BLVRA: variants seen among roughly 807,000 people sequenced by gnomAD.
BLVRA encodes the protein biliverdin reductase A.
A neutral mutation model predicts 32.8 loss-of-function variants in BLVRA; 22 were observed. The observed-to-expected ratio is 0.67, with a 90% CI of 0.48 to 0.96. The LOEUF is 0.96. Ranked by LOEUF, BLVRA falls within the 40% of genes least tolerant of loss-of-function variation. BLVRA has a pLI of 0.00. For synonymous variants in BLVRA, 119 were observed against 141.3 expected (o/e 0.84, Z 1.12); for missense variants, 323 against 358.1 (o/e 0.90, Z 0.79).
At chr7:43,768,344 C>T (rs2095750501) in intron 1 of BLVRA, among the ~76,000 whole-genome samples, 1 of 152,132 alleles carries the variant, frequency 6.6e-6, no homozygotes, top group Non-Finnish European at 1.5e-5. Flanking sequence ...ACCAGGTCTC[C>T]TGTTTATCCT....
At position 43,801,465 on chromosome 7, in the gene BLVRA, G is replaced by C. The variant is rs2095798633; in HGVS notation, c.460+893G>C. Among the ~76,000 whole-genome samples the C allele has an allele frequency of 4.6e-5, 7 of 152,180 alleles. 1 individual carries two copies. In the South Asian group the frequency reaches 1.4e-3, roughly 32 times the overall value. On this transcript the variant is annotated intron_variant, in intron 6 of 7. Coordinates refer to ENST00000265523, the MANE Select transcript of BLVRA (RefSeq NM_000712.4). The stretch of plus-strand genomic sequence containing the variant: ...GTTGGGCACCTGGGCCACCATTCCT[G>C]AGGGCTTTCATTACAGAAAGGAGAC...
At chr7:43,758,325 G>A (rs1205751005), upstream of BLVRA, among the ~76,000 whole-genome samples, 1 of 152,052 alleles carries the variant, frequency 6.6e-6, no homozygotes, top group African/African-American at 2.4e-5. Flanking sequence ...GACACCCCCC[G>A]GGCCTGCCCC....
At chr7:43,776,448 A>G (rs1028589185) in intron 2 of BLVRA, among the ~76,000 whole-genome samples, 2 of 152,126 alleles carry the variant, frequency 1.3e-5, no homozygotes, top group South Asian at 2.1e-4. Context: ...GTAGTTGAGC[A>G]GTTTTGAGTG....
chr7:43,804,825 C>G (rs2095802416), intron 7 of BLVRA, among the ~76,000 whole-genome samples: 1 of 152,114 alleles, frequency 6.6e-6, no homozygotes, highest in Non-Finnish European at 1.5e-5. Context: ...TTCTGGATGC[C>G]TTTGCAGAGA....
chr7:43,765,677 AT>A (rs1377470704), intron 1 of BLVRA, among the ~76,000 whole-genome samples: 4 of 152,200 alleles, frequency 2.6e-5, no homozygotes, highest in Admixed American at 2.6e-4. Flanking sequence ...TCCCAGTGGA[AT>A]TTTTTAACTT....
intron 5 of BLVRA, 59 bp downstream of exon 5, chr7:43,792,871 C>G: frequency 1.3e-6 from 2 of 1,514,106 alleles, no homozygotes; most frequent in Non-Finnish European, 1.8e-6. Flanking sequence ...ATCTTTATGC[C>G]TTTAAAACTT....
chr7:43,798,013 G>A (rs1454341454), intron 5 of BLVRA, among the ~76,000 whole-genome samples: 1 of 151,726 alleles, frequency 6.6e-6, no homozygotes, highest in Non-Finnish European at 1.5e-5. Context: ...CCTACACTGT[G>A]AAACCCCGTC....
rs1444250040 is a variant in BLVRA at position 43,766,788 on chromosome 7, C to CA, written c.-21-4349dup. ...ACCATGGCAGGTCCTGCCAGTCACT[C>CA]ACAGCTCTGTGAGCAACTAGCTGGG... On this transcript the variant is annotated intron_variant, in intron 1 of 7. Coordinates refer to ENST00000265523, the MANE Select transcript of BLVRA (RefSeq NM_000712.4). Among the ~76,000 whole-genome samples, 14 of 152,294 alleles carry CA rather than the reference C, an allele frequency of 9.2e-5. No individual in the cohort carries two copies. The East Asian group carries it at 2.5e-3, about 27-fold the overall frequency.
chr7:43,767,275 C>G lies in BLVRA; in HGVS notation c.-21-3863C>G, dbSNP rs139091672. 246 of 989,192 alleles carry G rather than the reference C, an allele frequency of 2.5e-4. No homozygotes were observed. In the East Asian group the frequency reaches 5.7e-3, roughly 23 times the overall value. 61.3% of individuals were successfully genotyped at this position (989,192 alleles called of 1,614,324 possible). On this transcript the variant is annotated intron_variant, in intron 1 of 7. Transcript: ENST00000265523. Reference sequence around the variant, plus strand: ...GTAGCCTGCCACCGAGCACCTGTGCCAGCACAACTACACTGTGGAGCACCC... The same window carrying G: ...GTAGCCTGCCACCGAGCACCTGTGCGAGCACAACTACACTGTGGAGCACCC...
At chr7:43,798,912 G>C (rs1433457690) in intron 5 of BLVRA, among the ~76,000 whole-genome samples, 2 of 151,562 alleles carry the variant, frequency 1.3e-5, no homozygotes, top group African/African-American at 4.8e-5. Context: ...AATAACCATG[G>C]ATGTGGAAAC....
At chr7:43,800,767 T>G (rs2095797768) in intron 6 of BLVRA, among the ~76,000 whole-genome samples, 195 bp downstream of exon 6, 1 of 152,184 alleles carries the variant, frequency 6.6e-6, no homozygotes, top group African/African-American at 2.4e-5. Context: ...CTCAAGCATA[T>G]TTGTGCTCTG....
chr7:43,790,651 T>C (rs1186149061), intron 3 of BLVRA, among the ~76,000 whole-genome samples: 2 of 152,160 alleles, frequency 1.3e-5, no homozygotes, highest in Non-Finnish European at 2.9e-5. Flanking sequence ...TCTCATGAGA[T>C]AAAAGTAGAT....
In BLVRA at chr7:43,787,857, G is replaced by A. The variant is rs564994689; in HGVS notation, c.13-47G>A. ...TCCTTTGTTTTGTAGTTTTCTGCTCGATGCCTACAGTGTTTTCAGACTCCA... is the reference window on the plus strand; with the variant it reads ...TCCTTTGTTTTGTAGTTTTCTGCTCAATGCCTACAGTGTTTTCAGACTCCA... On this transcript the variant is annotated intron_variant, in intron 2 of 7. Coordinates refer to ENST00000265523, the MANE Select transcript of BLVRA (RefSeq NM_000712.4). The surrounding 1 kb of genome is among the most constrained non-coding windows in gnomAD (Gnocchi z 4.5). 235 of 1,614,008 alleles carry A rather than the reference G, an allele frequency of 1.5e-4. No homozygotes were observed. The South Asian group carries it at 2.1e-3, about 14-fold the overall frequency.
chr7:43,784,290 T>C (rs995875790), intron 2 of BLVRA, among the ~76,000 whole-genome samples: 5 of 152,186 alleles, frequency 3.3e-5, no homozygotes, highest in Non-Finnish European at 7.3e-5. Flanking sequence ...GGAAGTCCAT[T>C]GCTCCCTCCT....
At chr7:43,793,564 G>A (rs1184183318) in intron 5 of BLVRA, among the ~76,000 whole-genome samples, 1 of 151,978 alleles carries the variant, frequency 6.6e-6, no homozygotes, top group Non-Finnish European at 1.5e-5. Flanking sequence ...CAAGGAGCTT[G>A]GGACAACCCT....
At chr7:43,772,350 C>G (rs2095755552) in intron 2 of BLVRA, among the ~76,000 whole-genome samples, 1 of 152,180 alleles carries the variant, frequency 6.6e-6, no homozygotes, top group Non-Finnish European at 1.5e-5. Flanking sequence ...GGAGTGGGAG[C>G]CTTTATTTGA....
intron 5 of BLVRA, among the ~76,000 whole-genome samples, chr7:43,796,282 C>A (rs2095792818): frequency 6.6e-6 from 1 of 152,198 alleles, no homozygotes; most frequent in East Asian, 1.9e-4. Context: ...CTCCAACAAT[C>A]GGATAATCTA....
At chr7:43,761,671 A>G (rs1385071817) in intron 1 of BLVRA, among the ~76,000 whole-genome samples, 2 of 152,220 alleles carry the variant, frequency 1.3e-5, no homozygotes, top group Non-Finnish European at 2.9e-5. Flanking sequence ...CTTCATTATC[A>G]GAGCACCTTG....
chr7:43,769,650 A>T (rs1340565980), intron 1 of BLVRA, among the ~76,000 whole-genome samples: 4 of 150,100 alleles, frequency 2.7e-5, no homozygotes, highest in Admixed American at 2.0e-4. Flanking sequence ...TCTGTCGCCC[A>T]GTCTGGGAGT....
Sources: allele counts gnomAD v4.1 joint callset (sites outside exome capture counted in the v4.1 genomes callset), GRCh38; gene constraint gnomAD v4.1.1; non-coding constraint Gnocchi (gnomAD v3.1); transcripts MANE v1.5; gene names NCBI Gene and HGNC (gene_info 2026-07-23, HGNC 2026-07-21).